Variants in TECPR2 observed in about 807,000 individuals in gnomAD.
TECPR2 encodes tectonin beta-propeller repeat containing 2, also known as tectonin beta-propeller repeat-containing protein 2.
In TECPR2, 65 loss-of-function variants were observed where a neutral mutation model predicts 138.1. That is an observed-to-expected ratio of 0.47 (90% CI 0.39 to 0.58). The LOEUF (loss-of-function observed/expected upper bound fraction) is 0.58, where lower values mean the gene tolerates loss of function less well. Among genes scored for constraint, TECPR2 ranks in the 20% least tolerant of loss-of-function variants. The pLI is 0.00. For synonymous variants in TECPR2, 746 were observed against 749.8 expected, an observed-to-expected ratio of 0.99 and a Z score of 0.08; for missense variants, 1,553 against 1,824.5, an observed-to-expected ratio of 0.85 and a Z score of 2.71.
intron 17 of TECPR2, among the ~76,000 whole-genome samples, chr14:102,474,655 T>G (rs759333886): frequency 2.0e-5 from 3 of 152,188 alleles, no homozygotes; most frequent in Non-Finnish European, 2.9e-5. Flanking sequence ...CCAGGGATTA[T>G]AAGTGATTAA....
chr14:102,376,884 G>A lies in TECPR2; in HGVS notation c.163G>A (p.Gly55Ser), dbSNP rs766810997. Reference protein sequence around the residue: ...GDYIAVGSSIGMLYLYCRHLN... With the variant: ...GDYIAVGSSISMLYLYCRHLN... ...CTACATCGCGGTGGGCAGCAGCATC[G>A]GCATGCTCTATCTGTACTGCCGGCA... The change falls in exon 2 of 20, where the codon GGC (glycine) becomes AGC (serine). Residue 55 changes from glycine to serine, a missense_variant. Transcript: ENST00000359520. The A allele has an allele frequency of 1.4e-5, 22 of 1,613,944 alleles. No individual in the cohort carries two copies. The Middle Eastern group carries it at 8.2e-4, about 60-fold the overall frequency.
chr14:102,362,988 T>TTCGGTGCTGGCC lies in TECPR2; in HGVS notation c.-200_-189dup. On this transcript the variant is annotated 5_prime_UTR_variant, in exon 1 of 20. Transcript: ENST00000359520. Reference sequence around the variant, plus strand: ...CCCCCGGCGGAGCCAGCTGCTGCTCTTCGGTGCTGGCCCCGGTGCCGGCCC... The same window carrying TTCGGTGCTGGCC: ...CCCCCGGCGGAGCCAGCTGCTGCTCTTCGGTGCTGGCCTCGGTGCTGGCCCCGGTGCCGGCCC... The TTCGGTGCTGGCC allele has an allele frequency of 8.3e-7, 1 of 1,201,872 alleles. No individual in the cohort carries two copies. Among genetic ancestry groups the TTCGGTGCTGGCC allele is most frequent in the Non-Finnish European group, 1.2e-6 (1 of 840,610 alleles). 74.5% of individuals were successfully genotyped at this position (1,201,872 alleles called of 1,614,324 possible).
rs191703659 is a variant in TECPR2, at chr14:102,423,644, G to A, written c.639-1335G>A. On this transcript the variant is annotated intron_variant, in intron 5 of 19. Transcript: ENST00000359520. ...GTGCCATCTAGGTTTGTGTAAGTAC[G>A]CTCTATGATGTTCACACAACGAAGA... Among the ~76,000 whole-genome samples the A allele has an allele frequency of 2.2e-3, 333 of 152,160 alleles. 3 individuals carry two copies. The highest frequency in any genetic ancestry group is 7.6e-3 in the African/African-American group (315 of 41,502).
intron 18 of TECPR2, 28 bp downstream of exon 18, chr14:102,497,148 T>C: frequency 1.9e-6 from 3 of 1,601,632 alleles, no homozygotes; most frequent in Non-Finnish European, 2.5e-6. Flanking sequence ...GGGCCTGTGG[T>C]GCCGGCCAGC....
chr14:102,435,214 A>G lies in TECPR2; in HGVS notation c.2394+3A>G, dbSNP rs776681603. 108 of 1,593,936 alleles carry G rather than the reference A, an allele frequency of 6.8e-5. 1 individual carries two copies. The Middle Eastern group carries it at 7.1e-4, about 10-fold the overall frequency. On this transcript the variant is annotated splice_donor_region_variant and intron_variant, in intron 9 of 19. Coordinates refer to ENST00000359520, the MANE Select transcript of TECPR2 (RefSeq NM_014844.5). ...CCGGGCTGCTCAAGCCAGATCAGGTATGTGGGTTCGGGTGGTGGGAAAAGT... is the reference window on the plus strand; with the variant it reads ...CCGGGCTGCTCAAGCCAGATCAGGTGTGTGGGTTCGGGTGGTGGGAAAAGT...
chr14:102,376,080 G>A (rs546727274), intron 1 of TECPR2, among the ~76,000 whole-genome samples: 2 of 152,284 alleles, frequency 1.3e-5, no homozygotes, highest in South Asian at 4.1e-4. Context: ...GAGGCTGTGG[G>A]CATCCAACCA....
At chr14:102,458,665 A>G (rs1164048206) in intron 16 of TECPR2, among the ~76,000 whole-genome samples, 1 of 152,024 alleles carries the variant, frequency 6.6e-6, no homozygotes, top group East Asian at 1.9e-4. Flanking sequence ...GTGCATGTTC[A>G]TGCCACCCAT....
intron 16 of TECPR2, among the ~76,000 whole-genome samples, chr14:102,455,805 G>C (rs1221265749): frequency 6.6e-6 from 1 of 152,148 alleles, no homozygotes. Context: ...TAGAGACAGG[G>C]TTTCACCATG....
At position 102,425,301 on chromosome 14, in the gene TECPR2, GGGAC is replaced by G. The variant is rs760865454; in HGVS notation, c.951+12_951+15del. On this transcript the variant is annotated intron_variant, in intron 6 of 19. Coordinates refer to ENST00000359520, the MANE Select transcript of TECPR2 (RefSeq NM_014844.5). ...AGACACAGTCAACCAGGTAAGTGAAGGGACGCCACCATATCTTCTGTGTCTATAG... is the reference window on the plus strand; with the variant it reads ...AGACACAGTCAACCAGGTAAGTGAAGGCCACCATATCTTCTGTGTCTATAG... 28 of 1,567,852 alleles carry G rather than the reference GGGAC, an allele frequency of 1.8e-5. No homozygotes were observed. Among genetic ancestry groups the G allele is most frequent in the Non-Finnish European group, 2.3e-5 (27 of 1,155,394 alleles).
rs1889155832 is a variant in TECPR2, at chr14:102,420,679, C to A, written c.639-4300C>A. On this transcript the variant is annotated intron_variant, in intron 5 of 19. Coordinates refer to ENST00000359520, the MANE Select transcript of TECPR2 (RefSeq NM_014844.5). This position sits in a 1 kb window ranked among gnomAD's most constrained non-coding sequence, Gnocchi z 4.1. The stretch of plus-strand genomic sequence containing the variant: ...AGAGATGGTGTCTCTCTAGGTCACC[C>A]AGGCTGTTGTCAAACTCCTGGGCTC... Among the ~76,000 whole-genome samples, 1 of 152,110 alleles carries A rather than the reference C, an allele frequency of 6.6e-6. No homozygotes were observed. The highest frequency in any genetic ancestry group is 2.1e-4 in the South Asian group (1 of 4,830).
At chr14:102,418,993 C>A (rs1401040208) in intron 5 of TECPR2, among the ~76,000 whole-genome samples, 3 of 151,974 alleles carry the variant, frequency 2.0e-5, no homozygotes. Flanking sequence ...CCCGCCATGT[C>A]CTCTCCCTGC....
At chr14:102,391,685 C>T (rs1888180950) in intron 2 of TECPR2, among the ~76,000 whole-genome samples, 1 of 152,154 alleles carries the variant, frequency 6.6e-6, no homozygotes, top group Admixed American at 6.5e-5. Context: ...GCATCCTAAG[C>T]ACCTTTCCTG....
intron 17 of TECPR2, among the ~76,000 whole-genome samples, chr14:102,482,882 C>T (rs1252619012): frequency 8.0e-5 from 10 of 125,016 alleles, no homozygotes; most frequent in South Asian, 2.6e-4. Flanking sequence ...CTCGCTCTGT[C>T]GCCCAGGCTG....
chr14:102,413,053 A>AC (rs1383896638), intron 4 of TECPR2, among the ~76,000 whole-genome samples: 6 of 152,110 alleles, frequency 3.9e-5, no homozygotes, highest in Admixed American at 3.9e-4. Flanking sequence ...CTGAGATTGC[A>AC]CCACTACACT....
chr14:102,387,893 C>T (rs866996605), intron 2 of TECPR2, among the ~76,000 whole-genome samples: 5 of 152,166 alleles, frequency 3.3e-5, no homozygotes, highest in South Asian at 2.1e-4. Flanking sequence ...TGAACAAAGA[C>T]GTAAAGAGCA....
rs977750461 is a variant in TECPR2, at chr14:102,435,061, A to C, written c.2244A>C (p.Thr748=). 1.9e-6 allele frequency: 3 copies of C among 1,614,050 alleles called. No individual in the cohort carries two copies. Among genetic ancestry groups the C allele is most frequent in the Middle Eastern group, 1.6e-4 (1 of 6,062 alleles). ...TTGAGCAGCCTCCACGGGATCAGAC[A>C]TTGACGTCCAGCGATGAGGAGGACA... ...PWLEQPPRDQ[T]LTSSDEEDIY... is the part of the protein sequence containing the mutation. Residue 748 remains threonine, a synonymous_variant, in exon 9 of 20, where the codon ACA becomes ACC. Transcript: ENST00000359520.
intron 2 of TECPR2, among the ~76,000 whole-genome samples, chr14:102,387,569 C>T (rs1888043530): frequency 6.6e-6 from 1 of 151,928 alleles, no homozygotes; most frequent in Non-Finnish European, 1.5e-5. Context: ...CTCTGTCCCC[C>T]AGGCTGGAGT....
chr14:102,463,177 T>C (rs920922464), intron 16 of TECPR2, among the ~76,000 whole-genome samples: 2 of 151,940 alleles, frequency 1.3e-5, no homozygotes, highest in African/African-American at 4.8e-5. Flanking sequence ...TCCCAGCACT[T>C]TGGGAGGCCG....
At chr14:102,433,900 T>C (rs2139729918) in intron 8 of TECPR2, among the ~76,000 whole-genome samples, 1 of 152,302 alleles carries the variant, frequency 6.6e-6, no homozygotes, top group South Asian at 2.1e-4. Flanking sequence ...CTGTTAATCC[T>C]CTCTAGCTAA....
Sources: allele counts gnomAD v4.1 joint callset (sites outside exome capture counted in the v4.1 genomes callset), GRCh38; gene constraint gnomAD v4.1.1; non-coding constraint Gnocchi (gnomAD v3.1); transcripts MANE v1.5; gene names NCBI Gene and HGNC (gene_info 2026-07-23, HGNC 2026-07-21).